TMEM266: variants seen among roughly 807,000 people sequenced by gnomAD.
TMEM266 encodes Hv1 related protein 1.
TMEM266 carries 33 observed loss-of-function variants against 50.5 expected under a neutral mutation model. That is an observed-to-expected ratio of 0.65 (90% confidence interval 0.50 to 0.87). The LOEUF (loss-of-function observed/expected upper bound fraction) is 0.87. Among genes scored for constraint, TMEM266 ranks in the 40% least tolerant of loss-of-function variants. The pLI, the probability that TMEM266 is intolerant of heterozygous loss-of-function variation, is 0.00. For missense variants in TMEM266, 655 were observed against 695.1 expected, an observed-to-expected ratio of 0.94 and a Z score of 0.65; for synonymous variants, 310 against 292.3, an observed-to-expected ratio of 1.06 and a Z score of -0.62.
intron 1 of TMEM266, among the ~76,000 whole-genome samples, chr15:76,114,482 C>T (rs2037217770): frequency 6.6e-6 from 1 of 152,176 alleles, no homozygotes; most frequent in African/African-American, 2.4e-5. Flanking sequence ...TTGCACACTG[C>T]ACTTCAGCCT....
chr15:76,099,344 C>T (rs1485701159), intron 1 of TMEM266, among the ~76,000 whole-genome samples: 4 of 152,236 alleles, frequency 2.6e-5, no homozygotes, highest in African/African-American at 9.6e-5. Context: ...TCCCTGACCT[C>T]TTGTGCTTCC....
chr15:76,115,749 G>C (rs924285), intron 1 of TMEM266, among the ~76,000 whole-genome samples: 5 of 151,980 alleles, frequency 3.3e-5, no homozygotes, highest in African/African-American at 9.7e-5. Flanking sequence ...GGCGCTTTTC[G>C]TATTTGTGGC....
Position 76,161,268 on chromosome 15 carries a change from C to T in TMEM266, c.456+1100C>T, listed in dbSNP as rs945911352. 7.2e-5 allele frequency among the ~76,000 whole-genome samples: 11 copies of T among 152,178 alleles called. No homozygotes were observed. The highest frequency in any genetic ancestry group is 2.2e-4 in the African/African-American group (9 of 41,436). ...AGGCACAGCACCTGCTGGGAACATA[C>T]GCACATCTCACACCAACGGGAGCTG... is the stretch of plus-strand genomic sequence containing the variant. On this transcript the variant is annotated intron_variant, in intron 5 of 10. Transcript: ENST00000388942. The surrounding 1 kb of genome is among the most constrained non-coding windows in gnomAD (Gnocchi z 4.1).
intron 1 of TMEM266, among the ~76,000 whole-genome samples, chr15:76,115,829 T>C (rs974011757): frequency 2.0e-5 from 3 of 152,254 alleles, no homozygotes; most frequent in South Asian, 2.1e-4. Context: ...CATCTACCCA[T>C]GTGCAGCCAG....
chr15:76,061,505 G>A (rs7174298), intron 1 of TMEM266, among the ~76,000 whole-genome samples: 2,430 of 152,268 alleles, frequency 0.016, 65 homozygotes, highest in African/African-American at 0.055. Context: ...CGGCTGCTCC[G>A]TGTACCTTTT....
chr15:76,143,479 C>T (rs2037712016), intron 3 of TMEM266, among the ~76,000 whole-genome samples: 2 of 152,190 alleles, frequency 1.3e-5, no homozygotes, highest in South Asian at 2.1e-4. Flanking sequence ...CTCCAGCCTC[C>T]TTGTGTCTGC....
intron 1 of TMEM266, among the ~76,000 whole-genome samples, chr15:76,108,615 G>T (rs2037122165): frequency 1.3e-5 from 2 of 152,174 alleles, no homozygotes; most frequent in Admixed American, 6.5e-5. Flanking sequence ...GAAACACAGA[G>T]GGCTTCTTTG....
intron 3 of TMEM266, among the ~76,000 whole-genome samples, chr15:76,154,354 C>G (rs752680392): frequency 3.3e-5 from 5 of 152,108 alleles, no homozygotes; most frequent in Admixed American, 6.5e-5. Flanking sequence ...CCTCTGTAGC[C>G]CCTTGCTTGG....
At chr15:76,122,674 T>A (rs2037362779) in intron 1 of TMEM266, among the ~76,000 whole-genome samples, 1 of 152,228 alleles carries the variant, frequency 6.6e-6, no homozygotes, top group Non-Finnish European at 1.5e-5. Context: ...CAGCCCTAGC[T>A]CATTGTTGGT....
intron 8 of TMEM266, among the ~76,000 whole-genome samples, chr15:76,183,254 T>A (rs2038447267): frequency 6.6e-6 from 1 of 151,750 alleles, no homozygotes; most frequent in South Asian, 2.1e-4. Flanking sequence ...TAGCTGGGAT[T>A]ACAGGCATGT....
In TMEM266 at chr15:76,204,231, C is replaced by A; in HGVS notation, c.1512C>A (p.Phe504Leu). 1 of 1,614,048 alleles carries A rather than the reference C, an allele frequency of 6.2e-7. No homozygotes were observed. Among genetic ancestry groups the A allele is most frequent in the East Asian group, 2.2e-5 (1 of 44,876 alleles). ...TTCAGATCAGGCCTGTCATCCACTTCCAGCCCACTGTGCCCATGCTGGAGG... is the reference window on the plus strand; with the variant it reads ...TTCAGATCAGGCCTGTCATCCACTTACAGCCCACTGTGCCCATGCTGGAGG... The change falls in exon 11 of 11, where the codon TTC becomes TTA. Residue 504 changes from phenylalanine (F) to leucine (L), a missense_variant. By Grantham distance (22) the Phe-to-Leu change is conservative. Transcript: ENST00000388942.
chr15:76,089,502 CT>C (rs2036820982), intron 1 of TMEM266, among the ~76,000 whole-genome samples: 1 of 151,996 alleles, frequency 6.6e-6, no homozygotes, highest in South Asian at 2.1e-4. Context: ...CCAGAAGTTT[CT>C]TATAGCTGAA....
intron 1 of TMEM266, among the ~76,000 whole-genome samples, chr15:76,130,227 AAAAAAAAAAAAAAAAAAAAAAAAAAAAC>A (rs1202931062): frequency 2.3e-5 from 2 of 85,612 alleles, no homozygotes; most frequent in Admixed American, 2.8e-4. Flanking sequence ...TCAAAAAAAA[AAAAAAAAAAAAAAAAAAAAAAAAAAAAC>A]CGCCGGGTGC....
chr15:76,074,946 A>G (rs2036585140), intron 1 of TMEM266, among the ~76,000 whole-genome samples: 1 of 152,084 alleles, frequency 6.6e-6, no homozygotes, highest in African/African-American at 2.4e-5. Flanking sequence ...AAAGAAGTCA[A>G]GATTAACTTC....
chr15:76,177,791 A>G (rs910386740), intron 8 of TMEM266, among the ~76,000 whole-genome samples: 6 of 152,144 alleles, frequency 3.9e-5, no homozygotes, highest in Admixed American at 3.9e-4. Flanking sequence ...TGTGCCGGGC[A>G]TGTGGATGCC....
At chr15:76,196,233 CT>C (rs1276162361) in intron 9 of TMEM266, among the ~76,000 whole-genome samples, 3 of 152,198 alleles carry the variant, frequency 2.0e-5, no homozygotes, top group African/African-American at 7.2e-5. Context: ...TGGGATCCCC[CT>C]GCCCACTCTT....
chr15:76,062,247 CT>C (rs2036318769), intron 1 of TMEM266, among the ~76,000 whole-genome samples: 1 of 152,146 alleles, frequency 6.6e-6, no homozygotes. Flanking sequence ...CAAATAACAG[CT>C]TTTAATTATA....
At chr15:76,176,865 T>C (rs9920230) in intron 8 of TMEM266, among the ~76,000 whole-genome samples, 3,968 of 152,304 alleles carry the variant, frequency 0.026, 163 homozygotes, top group African/African-American at 0.091. Flanking sequence ...CGTACAGGCC[T>C]GCTATGTGTC....
chr15:76,128,515 A>C (rs1461338057), intron 1 of TMEM266, among the ~76,000 whole-genome samples: 1 of 152,132 alleles, frequency 6.6e-6, no homozygotes, highest in Admixed American at 6.5e-5. Context: ...TTTATCTTCC[A>C]CTTTTACCAG....
Sources: allele counts gnomAD v4.1 joint callset (sites outside exome capture counted in the v4.1 genomes callset), GRCh38; gene constraint gnomAD v4.1.1; non-coding constraint Gnocchi (gnomAD v3.1); transcripts MANE v1.5; gene names NCBI Gene and HGNC (gene_info 2026-07-23, HGNC 2026-07-21).